Variants in FAM83H observed in about 807,000 individuals in gnomAD.
FAM83H encodes the protein scaffolding CK1 anchoring protein H.
Under a neutral mutation model 30.2 loss-of-function variants are expected in FAM83H, and 24 were observed. The observed-to-expected ratio is 0.79, with a 90% CI of 0.57 to 1.12. The LOEUF is 1.12. Ranked by LOEUF, FAM83H falls within the 50% of genes most tolerant of loss-of-function variation. The probability of loss-of-function intolerance (pLI) is 0.00; values close to 1 mark genes in which losing one functional copy is unlikely to be tolerated. For synonymous variants in FAM83H, 1,013 were observed against 821.7 expected, an observed-to-expected ratio of 1.23 and a Z score of -3.98; for missense variants, 2,038 against 1,773.9, an observed-to-expected ratio of 1.15 and a Z score of -2.67.
intron 1 of FAM83H, chr8:143,732,460 C>G: frequency 1.0e-6 from 1 of 985,374 alleles, no homozygotes; most frequent in Non-Finnish European, 1.2e-6. Flanking sequence ...GCAGGGGGAA[C>G]AACCCTGCTG....
At chr8:143,728,759 G>GGAGCGA (rs782515041) in intron 4 of FAM83H, 36 bp from the exon 5 acceptor site, 1 of 1,598,394 alleles carries the variant, frequency 6.3e-7, no homozygotes, top group African/African-American at 1.3e-5. Context: ...AAACCGAGCT[G>GGAGCGA]GAGCGAGGGC....
intron 1 of FAM83H, chr8:143,731,883 G>A (rs1334539478): frequency 8.1e-6 from 8 of 984,414 alleles, no homozygotes; most frequent in Non-Finnish European, 9.6e-6. Context: ...AGCGCCCAGG[G>A]CCCACGCACA....
rs1030848760 is a variant in FAM83H, at chr8:143,733,061, C to T, written c.-16+630G>A. The T allele has an allele frequency of 1.9e-5, 3 of 154,522 alleles. No homozygotes were observed. Among genetic ancestry groups the T allele is most frequent in the Admixed American group, 6.5e-5 (1 of 15,286 alleles). 9.6% of individuals were successfully genotyped at this position (154,522 alleles called of 1,614,324 possible). ...ATGGGCGCAGGAGGGCGCGGAGGCT[C>T]TAGGCGGCGGAAAGGTGGGGTGCGG... On this transcript the variant is annotated intron_variant, in intron 1 of 4. Transcript: ENST00000388913. The surrounding 1 kb of genome is among the most constrained non-coding windows in gnomAD (Gnocchi z 5.6).
In FAM83H at chr8:143,730,242, G is replaced by A. The variant is rs1273775637; in HGVS notation, c.341C>T (p.Thr114Ile). 1.9e-6 allele frequency: 3 copies of A among 1,613,382 alleles called. No homozygotes were observed. The African/African-American group carries it at 4.0e-5, about 22-fold the overall frequency. The change falls in exon 2 of 5, where the codon ACC (threonine) becomes ATC (isoleucine). Residue 114 changes from threonine to isoleucine, a missense_variant. Physicochemically the swap from Thr to Ile is moderately conservative, Grantham distance 89. Transcript: ENST00000388913. Reference protein sequence around the residue: ...VPELDLGWPLTFGFQGTEVTT... With the variant: ...VPELDLGWPLIFGFQGTEVTT... The stretch of plus-strand genomic sequence containing the variant: ...CACCTCGGTGCCCTGGAAGCCGAAG[G>A]TCAGAGGCCAGCCCAAATCAAGCTC...
Position 143,728,192 on chromosome 8 carries a change from G to A in FAM83H, c.1269C>T (p.Phe423=), listed in dbSNP as rs530884669. 2 of 1,604,728 alleles carry A rather than the reference G, an allele frequency of 1.2e-6. No homozygotes were observed. The highest frequency in any genetic ancestry group is 1.7e-6 in the Non-Finnish European group (2 of 1,178,402). Residue 423 remains phenylalanine, a synonymous_variant, in exon 5 of 5, where the codon TTC becomes TTT. Transcript: ENST00000388913. The part of the protein sequence containing the change: ...ATEGAGAVEN[F]AAARQVSRQT... ...GCCGCGACACCTGCCGCGCGGCCGC[G>A]AAGTTCTCCACGGCGCCCGCGCCCT...
Position 143,728,208 on chromosome 8 carries a change from C to T in FAM83H, c.1253G>A (p.Gly418Asp). The change falls in exon 5 of 5, where the codon GGC becomes GAC. Residue 418 changes from glycine to aspartate, a missense_variant. By Grantham distance (94) the Gly-to-Asp change is moderately conservative. Transcript: ENST00000388913. ...KRHSFATEGAGAVENFAAARQ... is the reference protein window; with the variant it reads ...KRHSFATEGADAVENFAAARQ... Reference sequence around the variant, plus strand: ...CGCGGCCGCGAAGTTCTCCACGGCGCCCGCGCCCTCGGTCGCGAAGCTGTG... The same window carrying T: ...CGCGGCCGCGAAGTTCTCCACGGCGTCCGCGCCCTCGGTCGCGAAGCTGTG... 6.2e-7 allele frequency: 1 copy of T among 1,600,214 alleles called. No homozygotes were observed. The highest frequency in any genetic ancestry group is 8.5e-7 in the Non-Finnish European group (1 of 1,177,260).
Position 143,725,853 on chromosome 8 carries a change from C to G in FAM83H, c.*68G>C. 1.3e-6 allele frequency: 2 copies of G among 1,581,138 alleles called. No individual in the cohort carries two copies. The highest frequency in any genetic ancestry group is 1.7e-6 in the Non-Finnish European group (2 of 1,162,646). The stretch of plus-strand genomic sequence containing the variant: ...AAGCAGATGAGCAGGGCTCTCTGTT[C>G]CGCGGGGCTTCTGGATGACCGGGGC... On this transcript the variant is annotated 3_prime_UTR_variant, in exon 5 of 5. Transcript: ENST00000388913.
chr8:143,725,983 T>C lies in FAM83H; in HGVS notation c.3478A>G (p.Arg1160Gly). Reference sequence around the variant, plus strand: ...ACGAACTTGCCCACCTTGCTGTCCCTGGTGCCCTCCTCCGCGGGGCCTTCC... The same window carrying C: ...ACGAACTTGCCCACCTTGCTGTCCCCGGTGCCCTCCTCCGCGGGGCCTTCC... ...AGEGPAEEGT[R>G]DSKVGKFVPK... The change falls in exon 5 of 5, where the codon AGG (arginine) becomes GGG (glycine). Residue 1160 changes from arginine (R) to glycine (G), a missense_variant. Arg to Gly is a moderately radical substitution (Grantham distance 125). Coordinates refer to ENST00000388913, the MANE Select transcript of FAM83H (RefSeq NM_198488.5). 1 of 1,613,012 alleles carries C rather than the reference T, an allele frequency of 6.2e-7. No individual in the cohort carries two copies. The highest frequency in any genetic ancestry group is 2.2e-5 in the East Asian group (1 of 44,866).
At chr8:143,732,128 G>C in intron 1 of FAM83H, 2 of 985,430 alleles carry the variant, frequency 2.0e-6, no homozygotes, top group Non-Finnish European at 1.2e-6. Context: ...GGAGCCACTT[G>C]GCTGAGAATG....
In FAM83H at chr8:143,727,390, A is replaced by G. The variant is rs1818340385; in HGVS notation, c.2071T>C (p.Ser691Pro). 1 of 1,573,534 alleles carries G rather than the reference A, an allele frequency of 6.4e-7. No individual in the cohort carries two copies. The highest frequency in any genetic ancestry group is 8.6e-7 in the Non-Finnish European group (1 of 1,168,146). ...GCCCCGGCCGCGCCCTCGGCCTGTG[A>G]CGTGCTGAAGATGAGCGAGGAGCGC... ...RLRSSLIFST[S>P]QAEGAAGAAA... The change falls in exon 5 of 5, where the codon TCA becomes CCA. Residue 691 changes from serine to proline, a missense_variant. Coordinates refer to ENST00000388913, the MANE Select transcript of FAM83H (RefSeq NM_198488.5).
In FAM83H at chr8:143,726,641, G is replaced by A. The variant is rs782718385; in HGVS notation, c.2820C>T (p.Thr940=). Reference sequence around the variant, plus strand: ...CGGCCTTCGGGGACTCCCCGGAGATGGTAAGGGTGAGGCTGCCCCTGCGCT... The same window carrying A: ...CGGCCTTCGGGGACTCCCCGGAGATAGTAAGGGTGAGGCTGCCCCTGCGCT... The part of the protein sequence containing the change: ...VPERRGSLTL[T]ISGESPKAGP... Residue 940 remains threonine, a synonymous_variant, in exon 5 of 5, where the codon ACC becomes ACT. Coordinates refer to ENST00000388913, the MANE Select transcript of FAM83H (RefSeq NM_198488.5). The A allele has an allele frequency of 6.3e-7, 1 of 1,598,302 alleles. No homozygotes were observed. The highest frequency in any genetic ancestry group is 1.3e-5 in the African/African-American group (1 of 74,862).
chr8:143,726,309 C>T lies in FAM83H; in HGVS notation c.3152G>A (p.Gly1051Asp), dbSNP rs1319222238. The T allele has an allele frequency of 7.4e-6, 12 of 1,611,912 alleles. No homozygotes were observed. The highest frequency in any genetic ancestry group is 4.4e-5 in the South Asian group (4 of 90,986). ...KAILEQISAH[G>D]QKHRAVPAPS... ...GGCAGGGACCGCACGGTGCTTCTGG[C>T]CGTGGGCACTGATCTGCTCCAGAAT... The change falls in exon 5 of 5, where the codon GGC becomes GAC. Residue 1051 changes from glycine to aspartate, a missense_variant. Transcript: ENST00000388913.
chr8:143,728,315 G>A lies in FAM83H; in HGVS notation c.1146C>T (p.Ala382=), dbSNP rs1818386394. The A allele has an allele frequency of 1.4e-6, 2 of 1,433,246 alleles. No individual in the cohort carries two copies. The highest frequency in any genetic ancestry group is 1.5e-5 in the South Asian group (1 of 67,674). 88.8% of individuals were successfully genotyped at this position (1,433,246 alleles called of 1,614,324 possible). A position where few individuals can be genotyped will look rare whatever the true frequency, so the allele number is the denominator to read the frequency against. The change falls in exon 5 of 5, where the codon GCC becomes GCT. Residue 382 remains alanine (A), a synonymous_variant. Coordinates refer to ENST00000388913, the MANE Select transcript of FAM83H (RefSeq NM_198488.5). ...GLRPLSRRLE[A]EAGPAGELAG... is the part of the protein sequence containing the mutation. ...CGAGCTCCCCAGCCGGCCCGGCCTC[G>A]GCCTCCAGGCGCCGCGAGAGCGGCC...
chr8:143,730,108 C>G (rs1818460330), intron 2 of FAM83H, 28 bp downstream of exon 2: 2 of 1,504,916 alleles, frequency 1.3e-6, no homozygotes, highest in East Asian at 2.4e-5. Flanking sequence ...GCCCCTCCCC[C>G]ACTACCCTCA....
At chr8:143,731,118 A>AACC (rs1818502364) in intron 1 of FAM83H, among the ~76,000 whole-genome samples, 1 of 145,336 alleles carries the variant, frequency 6.9e-6, no homozygotes, top group African/African-American at 2.7e-5. Flanking sequence ...AATAAAACGA[A>AACC]CCCCCCCCCC....
At position 143,724,452 on chromosome 8, in the gene FAM83H, G is replaced by A. The variant is rs1213247405; in HGVS notation, c.*1469C>T. ...ACAGTGGGGGCTTTCTACACACGTG[G>A]TGCCAAAATGTGTCATTCTGAGTCA... is the stretch of plus-strand genomic sequence containing the variant. On this transcript the variant is annotated 3_prime_UTR_variant, in exon 5 of 5. Coordinates refer to ENST00000388913, the MANE Select transcript of FAM83H (RefSeq NM_198488.5). 7.0e-6 allele frequency: 1 copy of A among 142,772 alleles called. No individual in the cohort carries two copies. Among genetic ancestry groups the A allele is most frequent in the Non-Finnish European group, 1.5e-5 (1 of 64,718 alleles). 8.8% of individuals were successfully genotyped at this position (142,772 alleles called of 1,614,324 possible). A position where few individuals can be genotyped will look rare whatever the true frequency, so the allele number is the denominator to read the frequency against.
At chr8:143,732,505 A>G (rs1331934222) in intron 1 of FAM83H, 1 of 984,932 alleles carries the variant, frequency 1.0e-6, no homozygotes, top group African/African-American at 1.8e-5. Flanking sequence ...CACTGGGGGG[A>G]CACTCTAGAA....
rs1818385049 is a variant in FAM83H at position 143,728,293 on chromosome 8, G to A, written c.1168C>T (p.Leu390Phe). The A allele has an allele frequency of 6.7e-6, 10 of 1,502,424 alleles. No homozygotes were observed. In the East Asian group the frequency reaches 1.4e-4, roughly 21 times the overall value. 93.1% of individuals were successfully genotyped at this position (1,502,424 alleles called of 1,614,324 possible). ...LEAEAGPAGE[L>F]AGARGFFQAR... ...TGGAAGAAGCCCCGCGCGCCCGCGA[G>A]CTCCCCAGCCGGCCCGGCCTCGGCC... Residue 390 changes from leucine to phenylalanine, a missense_variant, in exon 5 of 5, where the codon CTC becomes TTC. Coordinates refer to ENST00000388913, the MANE Select transcript of FAM83H (RefSeq NM_198488.5).
chr8:143,727,888 G>T lies in FAM83H; in HGVS notation c.1573C>A (p.Pro525Thr). Residue 525 changes from proline (P) to threonine (T), a missense_variant, in exon 5 of 5, where the codon CCC becomes ACC. Transcript: ENST00000388913. ...ASREVRHGSDPAFAPGPRGLE... is the reference protein window; with the variant it reads ...ASREVRHGSDTAFAPGPRGLE... ...CCGCGGGGTCCGGGCGCGAAGGCGG[G>T]GTCCGAGCCGTGGCGCACCTCGCGG... 7.0e-7 allele frequency: 1 copy of T among 1,422,604 alleles called. No individual in the cohort carries two copies. Among genetic ancestry groups the T allele is most frequent in the Non-Finnish European group, 9.1e-7 (1 of 1,097,616 alleles). 88.1% of individuals were successfully genotyped at this position (1,422,604 alleles called of 1,614,324 possible).
Sources: gnomAD v4.1 joint callset for allele counts (sites outside exome capture counted in the v4.1 genomes callset) on GRCh38, gnomAD v4.1.1 for gene constraint, Gnocchi (gnomAD v3.1) non-coding constraint, MANE v1.5 for transcripts, NCBI Gene and HGNC (gene_info 2026-07-23, HGNC 2026-07-21) for gene names.